The following TENM4 variants were observed in gnomAD, a reference collection of about 807,000 sequenced individuals.
The protein encoded by TENM4 is teneurin-4.
TENM4 carries 82 observed loss-of-function variants against 243.3 expected under a neutral mutation model. The observed-to-expected ratio is 0.34, with a 90% CI of 0.28 to 0.40. The LOEUF (loss-of-function observed/expected upper bound fraction) is 0.40. Ranked by LOEUF, TENM4 falls within the 10% of genes least tolerant of loss-of-function variation. TENM4 has a pLI of 1.00. For synonymous variants in TENM4, 1,412 were observed against 1,456.3 expected (o/e 0.97, Z 0.69); for missense variants, 3,138 against 3,673.3 (o/e 0.85, Z 3.77).
At chr11:79,164,470 G>A (rs989948652) in intron 3 of TENM4, among the ~76,000 whole-genome samples, 1 of 123,708 alleles carries the variant, frequency 8.1e-6, no homozygotes, top group African/African-American at 3.4e-5. Flanking sequence ...TATATATAGT[G>A]TATATATATA....
intron 5 of TENM4, among the ~76,000 whole-genome samples, chr11:79,066,454 T>C (rs111268942): frequency 4.9e-4 from 67 of 136,962 alleles, no homozygotes; most frequent in African/African-American, 1.5e-3. Flanking sequence ...ACAGATAAAC[T>C]TGTGCTCCCC....
At chr11:79,356,460 A>G (rs1857498475) in intron 1 of TENM4, among the ~76,000 whole-genome samples, 1 of 152,224 alleles carries the variant, frequency 6.6e-6, no homozygotes, top group South Asian at 2.1e-4. Flanking sequence ...GGGCTAGGTT[A>G]CAGCACAGTT....
chr11:79,056,699 C>A (rs952658958), intron 6 of TENM4, among the ~76,000 whole-genome samples: 6 of 152,144 alleles, frequency 3.9e-5, no homozygotes, highest in South Asian at 4.1e-4. Flanking sequence ...GGGAGTCAGG[C>A]ACCAAGGTCA....
chr11:79,056,927 G>C (rs1460664872), intron 6 of TENM4, among the ~76,000 whole-genome samples: 1 of 152,192 alleles, frequency 6.6e-6, no homozygotes, highest in Non-Finnish European at 1.5e-5. Context: ...AAGCCATTTT[G>C]GTCACAGAAT....
chr11:78,720,809 T>C (rs939333467), intron 24 of TENM4, among the ~76,000 whole-genome samples: 3 of 152,150 alleles, frequency 2.0e-5, no homozygotes, highest in Non-Finnish European at 4.4e-5. Context: ...TTTGGGTCAC[T>C]TCCCAGGAGC....
intron 1 of TENM4, among the ~76,000 whole-genome samples, chr11:79,403,212 C>T (rs996182632): frequency 2.0e-5 from 3 of 152,212 alleles, no homozygotes; most frequent in Admixed American, 6.5e-5. Context: ...CACCTACTAA[C>T]CAACGATTCT....
chr11:79,243,669 G>A (rs1370244710), intron 2 of TENM4, among the ~76,000 whole-genome samples: 4 of 152,224 alleles, frequency 2.6e-5, no homozygotes, highest in Non-Finnish European at 5.9e-5. Context: ...GGACAGGCAG[G>A]AAGAACAGTG....
At chr11:79,172,207 C>T (rs1219576933) in intron 3 of TENM4, among the ~76,000 whole-genome samples, 1 of 152,114 alleles carries the variant, frequency 6.6e-6, no homozygotes, top group Non-Finnish European at 1.5e-5. Context: ...CCAGCCTCGG[C>T]CTCCCAAAAT....
At chr11:78,833,913 G>A (rs1385951489) in intron 12 of TENM4, among the ~76,000 whole-genome samples, 1 of 152,152 alleles carries the variant, frequency 6.6e-6, no homozygotes, top group Non-Finnish European at 1.5e-5. Flanking sequence ...ATTGGCATCT[G>A]CTTCCTAACT....
chr11:78,806,186 C>T (rs1309565965), intron 14 of TENM4, among the ~76,000 whole-genome samples: 2 of 152,102 alleles, frequency 1.3e-5, no homozygotes, highest in Non-Finnish European at 1.5e-5. Context: ...GTAGTCCCAG[C>T]AACTTGGGAG....
At chr11:79,086,289 G>T (rs1272938302) in intron 4 of TENM4, among the ~76,000 whole-genome samples, 7 of 152,220 alleles carry the variant, frequency 4.6e-5, no homozygotes, top group African/African-American at 2.4e-5. Flanking sequence ...TGGAGCCACA[G>T]GGCTGAGCCA....
intron 2 of TENM4, among the ~76,000 whole-genome samples, chr11:79,276,608 C>T (rs1360271923): frequency 6.6e-6 from 1 of 152,194 alleles, no homozygotes; most frequent in Admixed American, 6.5e-5. Flanking sequence ...CAGGAAGACA[C>T]AGCCAGAAAC....
At chr11:79,283,435 A>G (rs1345149177) in intron 2 of TENM4, among the ~76,000 whole-genome samples, 1 of 152,242 alleles carries the variant, frequency 6.6e-6, no homozygotes, top group East Asian at 1.9e-4. Context: ...AATGTAATAG[A>G]CCACATTAAG....
At chr11:79,005,992 A>C (rs1024050917) in intron 6 of TENM4, among the ~76,000 whole-genome samples, 1 of 152,226 alleles carries the variant, frequency 6.6e-6, no homozygotes, top group Non-Finnish European at 1.5e-5. Context: ...GTCTGAAATC[A>C]CACAAAGTAT....
chr11:79,397,387 G>A (rs149866020), intron 1 of TENM4, among the ~76,000 whole-genome samples: 324 of 152,322 alleles, frequency 2.1e-3, no homozygotes, highest in African/African-American at 7.6e-3. Context: ...AAGCCACAGA[G>A]TCAGGATTCT....
Position 78,670,514 on chromosome 11 carries a change from A to G in TENM4, c.5831T>C (p.Ile1944Thr). The G allele has an allele frequency of 6.2e-7, 1 of 1,612,664 alleles. No homozygotes were observed. Reference protein sequence around the residue: ...VLLLHSQRQYIFEFDKNDRLS... With the variant: ...VLLLHSQRQYTFEFDKNDRLS... Reference sequence around the variant, plus strand: ...GCGGTCATTCTTGTCGAACTCAAAGATATACTGCCTCTGGCTGTGTAGTAG... The same window carrying G: ...GCGGTCATTCTTGTCGAACTCAAAGGTATACTGCCTCTGGCTGTGTAGTAG... The change falls in exon 32 of 34, where the codon ATC becomes ACC. Residue 1944 changes from isoleucine to threonine, a missense_variant. Physicochemically the swap from Ile to Thr is moderately conservative, Grantham distance 89. Around this residue, in one of 2 missense-constraint regions of TENM4, gnomAD observed 2,467 missense variants for 3,059.1 expected, o/e 0.81. Transcript: ENST00000278550.
chr11:79,231,306 A>G (rs1170028631), intron 2 of TENM4, among the ~76,000 whole-genome samples: 1 of 152,206 alleles, frequency 6.6e-6, no homozygotes, highest in Non-Finnish European at 1.5e-5. Context: ...CACACATGGA[A>G]ATAATGTTCA....
At chr11:79,110,796 A>G (rs1386569974) in intron 4 of TENM4, among the ~76,000 whole-genome samples, 1 of 152,092 alleles carries the variant, frequency 6.6e-6, no homozygotes, top group Non-Finnish European at 1.5e-5. Flanking sequence ...TATCTGAGAG[A>G]TAGGCCCTTT....
intron 1 of TENM4, among the ~76,000 whole-genome samples, chr11:79,377,229 C>T (rs1439826343): frequency 1.3e-5 from 2 of 152,196 alleles, no homozygotes; most frequent in Admixed American, 6.5e-5. Context: ...CTTGTTTTAG[C>T]CCACTGATAC....
Sources: allele counts gnomAD v4.1 joint callset (sites outside exome capture counted in the v4.1 genomes callset), GRCh38; gene constraint gnomAD v4.1.1; regional missense constraint gnomAD v4.1.1; transcripts MANE v1.5; gene names NCBI Gene and HGNC (gene_info 2026-07-23, HGNC 2026-07-21).